Variants in CDH22 observed in about 807,000 individuals in gnomAD.
CDH22 encodes the protein cadherin 22, also known as cadherin-22.
Under a neutral mutation model 58.4 loss-of-function variants are expected in CDH22, and 30 were observed. The observed-to-expected ratio is 0.51, with a 90% CI of 0.38 to 0.70. CDH22 has a LOEUF of 0.70. Among genes scored for constraint, CDH22 ranks in the 30% least tolerant of loss-of-function variants. CDH22 has a pLI of 0.00. For missense variants in CDH22, 1,014 were observed against 1,233.9 expected (o/e 0.82, Z 2.67); for synonymous variants, 513 against 558.2 (o/e 0.92, Z 1.14).
At chr20:46,213,600 T>C (rs1339167596) in intron 5 of CDH22, among the ~76,000 whole-genome samples, 3 of 152,184 alleles carry the variant, frequency 2.0e-5, no homozygotes, top group Non-Finnish European at 2.9e-5. Flanking sequence ...TCCTAACAGC[T>C]GTGTGTTTAT....
At chr20:46,212,550 T>C (rs1249070297) in intron 6 of CDH22, among the ~76,000 whole-genome samples, 4 of 152,144 alleles carry the variant, frequency 2.6e-5, no homozygotes, top group Admixed American at 2.6e-4. Flanking sequence ...TAGACCTGGG[T>C]TCAAATCTCT....
intron 1 of CDH22, among the ~76,000 whole-genome samples, chr20:46,296,242 T>C (rs564891944): frequency 2.0e-5 from 3 of 152,324 alleles, no homozygotes; most frequent in African/African-American, 7.2e-5. Flanking sequence ...CCCGAAGTCC[T>C]GATCTGGCTG....
chr20:46,261,589 G>A (rs1405171648), intron 1 of CDH22, among the ~76,000 whole-genome samples: 1 of 152,118 alleles, frequency 6.6e-6, no homozygotes, highest in Non-Finnish European at 1.5e-5. Context: ...GCTTGTATGT[G>A]TCCTCTCTCC....
chr20:46,255,569 C>A (rs1456090753), intron 1 of CDH22, among the ~76,000 whole-genome samples: 1 of 152,164 alleles, frequency 6.6e-6, no homozygotes, highest in Non-Finnish European at 1.5e-5. Context: ...CCCATCCTCA[C>A]CTCTCCCTCC....
intron 3 of CDH22, among the ~76,000 whole-genome samples, chr20:46,234,028 A>T (rs2086237581): frequency 6.6e-6 from 1 of 152,164 alleles, no homozygotes; most frequent in South Asian, 2.1e-4. Context: ...TCCAAATGAT[A>T]TCCTTGGGGA....
chr20:46,287,305 A>C (rs2086580712), intron 1 of CDH22, among the ~76,000 whole-genome samples: 1 of 152,234 alleles, frequency 6.6e-6, no homozygotes, highest in Non-Finnish European at 1.5e-5. Context: ...ATGGAGTAAG[A>C]AGTACTCCGT....
intron 1 of CDH22, among the ~76,000 whole-genome samples, chr20:46,266,724 T>C (rs1253902655): frequency 6.6e-6 from 1 of 152,162 alleles, no homozygotes; most frequent in African/African-American, 2.4e-5. Flanking sequence ...TGGGTGACCT[T>C]GGGCAAGTCC....
chr20:46,236,649 ATATCTATC>A (rs3082934), intron 3 of CDH22, among the ~76,000 whole-genome samples: 2,949 of 135,800 alleles, frequency 0.022, 102 homozygotes, highest in African/African-American at 0.075. Context: ...TTATATATTA[ATATCTATC>A]TATCTATCTA....
At chr20:46,267,815 C>T (rs1289857791) in intron 1 of CDH22, among the ~76,000 whole-genome samples, 2 of 152,268 alleles carry the variant, frequency 1.3e-5, no homozygotes, top group African/African-American at 4.8e-5. Context: ...TGAGGGAAGG[C>T]CCTAAGTCCA....
chr20:46,262,331 C>A (rs1435139467), intron 1 of CDH22, among the ~76,000 whole-genome samples: 1 of 152,008 alleles, frequency 6.6e-6, no homozygotes, highest in African/African-American at 2.4e-5. Flanking sequence ...AGGGGATGAT[C>A]AGAGCTGGGG....
chr20:46,246,153 C>T (rs2086327100), intron 2 of CDH22, among the ~76,000 whole-genome samples: 1 of 152,204 alleles, frequency 6.6e-6, no homozygotes, highest in African/African-American at 2.4e-5. Context: ...GGTACGTTTT[C>T]CTTATTAAAG....
intron 3 of CDH22, among the ~76,000 whole-genome samples, chr20:46,228,344 C>A (rs1206658002): frequency 6.6e-6 from 1 of 152,224 alleles, no homozygotes; most frequent in Non-Finnish European, 1.5e-5. Context: ...CACCCCCAGA[C>A]ACACACACTT....
At chr20:46,304,061 A>G (rs2086664237) in intron 1 of CDH22, among the ~76,000 whole-genome samples, 1 of 152,186 alleles carries the variant, frequency 6.6e-6, no homozygotes, top group South Asian at 2.1e-4. Flanking sequence ...GTGGGACTCT[A>G]GAACATGTTC....
chr20:46,177,195 A>C (rs1343692342), intron 11 of CDH22, among the ~76,000 whole-genome samples: 1 of 152,196 alleles, frequency 6.6e-6, no homozygotes, highest in African/African-American at 2.4e-5. Flanking sequence ...CAGGGAGCAG[A>C]GCAAGGCTGG....
At chr20:46,204,330 A>C (rs2145678658) in intron 7 of CDH22, among the ~76,000 whole-genome samples, 1 of 145,124 alleles carries the variant, frequency 6.9e-6, no homozygotes. Context: ...GGAGGCAGAG[A>C]TTGCAGTGAG....
chr20:46,203,382 G>T (rs1046042277), intron 7 of CDH22, among the ~76,000 whole-genome samples: 6 of 152,104 alleles, frequency 3.9e-5, no homozygotes, highest in African/African-American at 1.4e-4. Flanking sequence ...GCTCGCATGG[G>T]TTGTGTATTT....
intron 11 of CDH22, among the ~76,000 whole-genome samples, chr20:46,176,789 C>T (rs2085742820): frequency 6.6e-6 from 1 of 152,210 alleles, no homozygotes; most frequent in Admixed American, 6.5e-5. Flanking sequence ...GCTTCTGGAG[C>T]CGAGGCTGGG....
intron 1 of CDH22, among the ~76,000 whole-genome samples, chr20:46,266,120 T>C (rs1254518516): frequency 6.6e-6 from 1 of 152,296 alleles, no homozygotes; most frequent in Non-Finnish European, 1.5e-5. Context: ...TTAAAGTTTA[T>C]CTGTTTTAGA....
At chr20:46,212,774 G>A (rs908788132) in intron 6 of CDH22, among the ~76,000 whole-genome samples, 1 of 152,222 alleles carries the variant, frequency 6.6e-6, no homozygotes, top group African/African-American at 2.4e-5. Flanking sequence ...CCCTGGCTCT[G>A]AGAACCAGCT....
Sources: allele counts gnomAD v4.1 joint callset (sites outside exome capture counted in the v4.1 genomes callset), GRCh38; gene constraint gnomAD v4.1.1; transcripts MANE v1.5; gene names NCBI Gene and HGNC (gene_info 2026-07-23, HGNC 2026-07-21).